Variants in PTPRR observed in about 807,000 individuals in gnomAD.
The protein encoded by PTPRR is protein tyrosine phosphatase receptor type R.
A neutral mutation model predicts 77.2 loss-of-function variants in PTPRR; 38 were observed. The observed-to-expected ratio is 0.49, with a 90% CI of 0.38 to 0.65. PTPRR has a LOEUF of 0.65. Ranked by LOEUF, PTPRR falls within the 30% of genes least tolerant of loss-of-function variation. The pLI is 0.00. For synonymous variants in PTPRR, 299 were observed against 283.1 expected (o/e 1.06, Z -0.57); for missense variants, 744 against 799.2 (o/e 0.93, Z 0.83).
chr12:70,858,003 T>A (rs1892681918), intron 2 of PTPRR, among the ~76,000 whole-genome samples: 2 of 152,040 alleles, frequency 1.3e-5, no homozygotes, highest in African/African-American at 4.8e-5. Context: ...CTTCAAGATG[T>A]GCCCCAGTTT....
Position 70,638,553 on chromosome 12 carries a change from T to C in PTPRR, c.*631A>G, listed in dbSNP as rs1000368927. ...ATCATTGTGCTCTGTAATTGTTTGA[T>C]AGGAGGGACTATAAATACACATTTA... On this transcript the variant is annotated 3_prime_UTR_variant, in exon 14 of 14. Coordinates refer to ENST00000283228, the MANE Select transcript of PTPRR (RefSeq NM_002849.4). The C allele has an allele frequency of 2.0e-5, 3 of 152,680 alleles. No individual in the cohort carries two copies. Among genetic ancestry groups the C allele is most frequent in the Non-Finnish European group, 4.4e-5 (3 of 68,096 alleles). 9.5% of individuals were successfully genotyped at this position (152,680 alleles called of 1,614,324 possible). A position where few individuals can be genotyped will look rare whatever the true frequency, so the allele number is the denominator to read the frequency against.
At chr12:70,688,440 G>A (rs975025824) in intron 8 of PTPRR, among the ~76,000 whole-genome samples, 3 of 151,978 alleles carry the variant, frequency 2.0e-5, no homozygotes, top group Admixed American at 6.6e-5. Context: ...ACAGATCTAC[G>A]AAAAAATGTT....
chr12:70,804,501 G>A (rs980845778), intron 2 of PTPRR, among the ~76,000 whole-genome samples: 8 of 151,976 alleles, frequency 5.3e-5, no homozygotes, highest in African/African-American at 1.9e-4. Context: ...TGATGCTGCA[G>A]CTGCAGTAAG....
intron 13 of PTPRR, among the ~76,000 whole-genome samples, chr12:70,644,807 A>C (rs1184184106): frequency 6.6e-6 from 1 of 152,212 alleles, no homozygotes; most frequent in Admixed American, 6.5e-5. Context: ...TAAGTTCCAA[A>C]TATCTTTCTA....
At chr12:70,717,191 C>T (rs1437640070) in intron 6 of PTPRR, among the ~76,000 whole-genome samples, 1 of 152,108 alleles carries the variant, frequency 6.6e-6, no homozygotes, top group African/African-American at 2.4e-5. Flanking sequence ...CTGGACAACT[C>T]TTAATTTCTG....
In PTPRR at chr12:70,639,079, G is replaced by GA; in HGVS notation, c.*104dup. ...CAATCCATGCCATACATGGGCTTCA[G>GA]AGCTTCTCCTTCCTTCCATTGCAGG... On this transcript the variant is annotated 3_prime_UTR_variant, in exon 14 of 14. Coordinates refer to ENST00000283228, the MANE Select transcript of PTPRR (RefSeq NM_002849.4). 1 of 931,886 alleles carries GA rather than the reference G, an allele frequency of 1.1e-6. No homozygotes were observed. Among genetic ancestry groups the GA allele is most frequent in the Non-Finnish European group, 1.7e-6 (1 of 599,902 alleles). The allele number at this position is 931,886 out of a possible 1,614,324, so 57.7% of individuals were successfully genotyped here. A position where few individuals can be genotyped will look rare whatever the true frequency, so the allele number is the denominator to read the frequency against.
intron 10 of PTPRR, chr12:70,672,623 G>C (rs1887276748): frequency 1.3e-6 from 2 of 1,505,578 alleles, no homozygotes; most frequent in Non-Finnish European, 1.8e-6. Context: ...TTAAAGACCT[G>C]CTGCCAAGTG....
chr12:70,779,119 T>A (rs1403274600), intron 2 of PTPRR, among the ~76,000 whole-genome samples: 4 of 151,962 alleles, frequency 2.6e-5, no homozygotes, highest in African/African-American at 7.2e-5. Context: ...AAGTGCTGGG[T>A]TTACAGGCGT....
At chr12:70,763,763 C>A (rs533398081) in intron 3 of PTPRR, among the ~76,000 whole-genome samples, 2 of 152,294 alleles carry the variant, frequency 1.3e-5, no homozygotes, top group African/African-American at 4.8e-5. Flanking sequence ...AAAACCTGTA[C>A]AGTGATCCCA....
intron 5 of PTPRR, among the ~76,000 whole-genome samples, chr12:70,753,293 A>T (rs1334554665): frequency 1.3e-5 from 2 of 152,156 alleles, no homozygotes; most frequent in Admixed American, 1.3e-4. Context: ...ACACTTAGCA[A>T]CATTGTTGAT....
At chr12:70,832,518 G>A (rs1028968704) in intron 2 of PTPRR, among the ~76,000 whole-genome samples, 8 of 152,156 alleles carry the variant, frequency 5.3e-5, no homozygotes, top group Non-Finnish European at 1.0e-4. Context: ...AGTGCTTAGT[G>A]GGGAATAGCA....
rs371661659 is a variant in PTPRR at position 70,679,307 on chromosome 12, A to T, written c.1497+4820T>A. ...AGAAAACATATTTAAAATGATTTTGATCTTTTAAAATTTGTTAAGGCTTGT... is the reference window on the plus strand; with the variant it reads ...AGAAAACATATTTAAAATGATTTTGTTCTTTTAAAATTTGTTAAGGCTTGT... On this transcript the variant is annotated intron_variant, in intron 10 of 13. Transcript: ENST00000283228. 7.2e-5 allele frequency among the ~76,000 whole-genome samples: 11 copies of T among 152,268 alleles called. No individual in the cohort carries two copies. The South Asian group carries it at 1.9e-3, about 26-fold the overall frequency.
intron 3 of PTPRR, among the ~76,000 whole-genome samples, chr12:70,762,514 T>C (rs1004955403): frequency 6.6e-6 from 1 of 152,152 alleles, no homozygotes; most frequent in East Asian, 1.9e-4. Context: ...CCAGTAAAAG[T>C]TTTTTCATGT....
intron 2 of PTPRR, among the ~76,000 whole-genome samples, chr12:70,872,756 C>T (rs533222736): frequency 7.1e-6 from 1 of 140,486 alleles, no homozygotes; most frequent in South Asian, 2.3e-4. Context: ...CTTTTCAGGG[C>T]AAGGGTAAAT....
At chr12:70,859,651 T>C (rs1331341941) in intron 2 of PTPRR, among the ~76,000 whole-genome samples, 2 of 152,030 alleles carry the variant, frequency 1.3e-5, no homozygotes, top group Non-Finnish European at 2.9e-5. Context: ...AGGAAAGGAA[T>C]TGGAGTGAGT....
chr12:70,684,828 T>C (rs978010192), intron 8 of PTPRR, 45 bp from the exon 9 acceptor site: 1 of 1,388,604 alleles, frequency 7.2e-7, no homozygotes, highest in Non-Finnish European at 1.0e-6. Flanking sequence ...GATTTACCCT[T>C]TTTAAAGTTC....
At chr12:70,820,251 G>A (rs973516398) in intron 2 of PTPRR, among the ~76,000 whole-genome samples, 18 of 152,132 alleles carry the variant, frequency 1.2e-4, no homozygotes, top group Non-Finnish European at 1.0e-4. Context: ...TCAATAGTCT[G>A]GGAAAAGACT....
At chr12:70,850,636 C>T (rs1174031899) in intron 2 of PTPRR, among the ~76,000 whole-genome samples, 1 of 152,138 alleles carries the variant, frequency 6.6e-6, no homozygotes, top group African/African-American at 2.4e-5. Context: ...GGATGAATCT[C>T]TTCAAATCCA....
At chr12:70,762,660 T>C (rs1322002022) in intron 3 of PTPRR, among the ~76,000 whole-genome samples, 7 of 152,242 alleles carry the variant, frequency 4.6e-5, no homozygotes, top group African/African-American at 1.7e-4. Context: ...TTACCTTAAA[T>C]CTTTTATCTC....
Sources: gnomAD v4.1 joint callset for allele counts (sites outside exome capture counted in the v4.1 genomes callset) on GRCh38, gnomAD v4.1.1 for gene constraint, MANE v1.5 for transcripts, NCBI Gene and HGNC (gene_info 2026-07-23, HGNC 2026-07-21) for gene names.